Variants in RMDN2 observed in about 807,000 individuals in gnomAD.
RMDN2 encodes the protein regulator of microtubule dynamics protein 2.
In RMDN2, 61 loss-of-function variants were observed where a neutral mutation model predicts 52.8. The observed-to-expected ratio is 1.16, with a 90% confidence interval of 0.94 to 1.43. RMDN2 has a LOEUF of 1.43. Among genes scored for constraint, RMDN2 ranks in the 40% most tolerant of loss-of-function variants. The pLI is 0.00. For missense variants in RMDN2, 592 were observed against 475.3 expected (o/e 1.25, Z -2.28); for synonymous variants, 180 against 153.1 (o/e 1.18, Z -1.30).
chr2:38,009,456 CATTT>C (rs2125218658), intron 10 of RMDN2, among the ~76,000 whole-genome samples: 1 of 152,246 alleles, frequency 6.6e-6, no homozygotes, highest in Non-Finnish European at 1.5e-5. Flanking sequence ...TCATTTCATT[CATTT>C]GATTTTCCAT....
In RMDN2 at chr2:37,929,333, G is replaced by T; in HGVS notation, c.56G>T (p.Gly19Val). Residue 19 changes from glycine (G) to valine (V), a missense_variant, in exon 2 of 11, where the codon GGA becomes GTA. Gly to Val is a moderately radical substitution (Grantham distance 109). Coordinates refer to ENST00000354545, the MANE Select transcript of RMDN2 (RefSeq NM_001170791.3). The part of the protein sequence containing the change: ...LILGIMVGTA[G>V]ISLLLLWYHK... ...CTTGGCATCATGGTGGGCACTGCTG[G>T]AATCAGCTTGCTGCTCTTGTGGTAC... 2 of 1,551,892 alleles carry T rather than the reference G, an allele frequency of 1.3e-6. No individual in the cohort carries two copies. The highest frequency in any genetic ancestry group is 1.4e-5 in the African/African-American group (1 of 73,162).
intron 2 of RMDN2, among the ~76,000 whole-genome samples, chr2:37,944,247 G>A (rs1035374017): frequency 6.6e-6 from 1 of 150,628 alleles, no homozygotes; most frequent in Admixed American, 6.6e-5. Flanking sequence ...TACAGTATCT[G>A]TACTCCTTGG....
At chr2:38,005,919 A>G (rs897897288) in intron 10 of RMDN2, among the ~76,000 whole-genome samples, 22 of 152,200 alleles carry the variant, frequency 1.4e-4, no homozygotes, top group African/African-American at 5.1e-4. Flanking sequence ...CTTTCTACAT[A>G]TGGCTAGCCA....
chr2:37,978,116 A>G (rs1176632792), intron 4 of RMDN2, among the ~76,000 whole-genome samples: 4 of 152,214 alleles, frequency 2.6e-5, no homozygotes, highest in African/African-American at 4.8e-5. Flanking sequence ...ATCAGGAGCT[A>G]GAGACCAGCC....
intron 2 of RMDN2, chr2:37,950,635 C>T (rs1668662524): frequency 6.2e-7 from 1 of 1,600,488 alleles, no homozygotes; most frequent in Non-Finnish European, 8.6e-7. Context: ...GCTAAAAGAA[C>T]ATTGAAAATA....
chr2:37,951,364 C>CT, intron 2 of RMDN2: 1 of 1,613,302 alleles, frequency 6.2e-7, no homozygotes, highest in Non-Finnish European at 8.5e-7. Flanking sequence ...TCTTATTCCC[C>CT]TGTAACACAT....
chr2:38,006,797 A>G (rs1306802171), intron 10 of RMDN2, among the ~76,000 whole-genome samples: 1 of 152,154 alleles, frequency 6.6e-6, no homozygotes, highest in East Asian at 1.9e-4. Flanking sequence ...TTCAAAGGGA[A>G]TGCTTCCAGT....
At chr2:37,953,619 T>C (rs572805741) in intron 2 of RMDN2, among the ~76,000 whole-genome samples, 7 of 152,074 alleles carry the variant, frequency 4.6e-5, no homozygotes, top group Non-Finnish European at 8.8e-5. Context: ...CACTTCCATG[T>C]TTAACTATTG....
chr2:37,939,262 G>A lies in RMDN2; in HGVS notation c.452+9533G>A, dbSNP rs575915128. 1.1e-4 allele frequency among the ~76,000 whole-genome samples: 16 copies of A among 152,246 alleles called. No individual in the cohort carries two copies. In the East Asian group the frequency reaches 2.9e-3, roughly 28 times the overall value. On this transcript the variant is annotated intron_variant, in intron 2 of 10. Transcript: ENST00000354545. ...TGATTCCACTGTGGCCTGAGAGACT[G>A]TTATGATTTCCATTCTTTTACATTT...
chr2:37,991,347 A>G, intron 7 of RMDN2, 50 bp downstream of exon 7: 1 of 911,972 alleles, frequency 1.1e-6, no homozygotes, highest in African/African-American at 1.7e-5. Flanking sequence ...TACTATGATT[A>G]TAGGATAAAT....
At chr2:37,932,898 C>T in intron 2 of RMDN2, among the ~76,000 whole-genome samples, 1 of 149,458 alleles carries the variant, frequency 6.7e-6, no homozygotes, top group South Asian at 2.1e-4. Flanking sequence ...GACGGGGCGG[C>T]TGGCCGGGCG....
intron 2 of RMDN2, among the ~76,000 whole-genome samples, chr2:37,931,308 T>A (rs904983596): frequency 3.3e-5 from 5 of 152,202 alleles, no homozygotes; most frequent in African/African-American, 1.2e-4. Context: ...AACAGCAGAT[T>A]AGTACTCTAA....
intron 2 of RMDN2, among the ~76,000 whole-genome samples, chr2:37,949,402 T>C (rs1668515685): frequency 6.6e-6 from 1 of 152,158 alleles, no homozygotes; most frequent in Admixed American, 6.5e-5. Context: ...TGAAGGCAAG[T>C]GTCCTTGGGC....
chr2:38,003,870 C>G, intron 8 of RMDN2, 121 bp from the exon 9 acceptor site: 2 of 763,966 alleles, frequency 2.6e-6, no homozygotes, highest in African/African-American at 1.7e-5. Flanking sequence ...AACAACCAAC[C>G]TAAATTCTTA....
chr2:37,973,690 C>T (rs1013260190), intron 2 of RMDN2, among the ~76,000 whole-genome samples: 10 of 151,762 alleles, frequency 6.6e-5, no homozygotes, highest in Admixed American at 5.2e-4. Context: ...GAGGTGAGGG[C>T]GTGAGTTATG....
intron 2 of RMDN2, among the ~76,000 whole-genome samples, chr2:37,932,641 G>A (rs1350199746): frequency 4.6e-5 from 7 of 151,354 alleles, no homozygotes; most frequent in East Asian, 2.0e-4. Context: ...AGGGGCGGCC[G>A]GGCAGAGGCG....
At chr2:38,053,872 T>C (rs2125302502) in intron 10 of RMDN2, among the ~76,000 whole-genome samples, 1 of 152,318 alleles carries the variant, frequency 6.6e-6, no homozygotes, top group East Asian at 1.9e-4. Flanking sequence ...AAGTTCCAGG[T>C]GACTCTAATG....
rs1198255383 is a variant in RMDN2, at chr2:37,932,924, C to G, written c.452+3195C>G. On this transcript the variant is annotated intron_variant, in intron 2 of 10. Coordinates refer to ENST00000354545, the MANE Select transcript of RMDN2 (RefSeq NM_001170791.3). ...TGGCCGGGCGGGGGGCTGACCCCCC[C>G]ACCTCCCTCCCGGACGAGGTGGCTG... 6.1e-5 allele frequency among the ~76,000 whole-genome samples: 9 copies of G among 148,646 alleles called. No homozygotes were observed. In the South Asian group the frequency reaches 1.9e-3, roughly 32 times the overall value.
chr2:38,060,100 TTTATTTTATTTTA>T (rs1681985603), intron 10 of RMDN2, among the ~76,000 whole-genome samples: 1 of 145,618 alleles, frequency 6.9e-6, no homozygotes, highest in Non-Finnish European at 1.5e-5. Flanking sequence ...TTTATTTTAT[TTTATTTTATTTTA>T]TTTTATTTTT....
Sources: allele counts gnomAD v4.1 joint callset (sites outside exome capture counted in the v4.1 genomes callset), GRCh38; gene constraint gnomAD v4.1.1; transcripts MANE v1.5; gene names NCBI Gene and HGNC (gene_info 2026-07-23, HGNC 2026-07-21).